DIP2B: variants seen among roughly 807,000 people sequenced by gnomAD.
DIP2B encodes disco-interacting protein 2 homolog B.
DIP2B carries 76 observed loss-of-function variants against 198.0 expected under a neutral mutation model. The observed-to-expected ratio is 0.38, with a 90% CI of 0.32 to 0.46. The LOEUF is 0.46. Ranked by LOEUF, DIP2B falls within the 20% of genes least tolerant of loss-of-function variation. The pLI is 0.99. For missense variants in DIP2B, 1,559 were observed against 1,978.4 expected (o/e 0.79, Z 4.02); for synonymous variants, 701 against 739.1 (o/e 0.95, Z 0.84).
chr12:50,692,033 C>G (rs1480441759), intron 13 of DIP2B, among the ~76,000 whole-genome samples: 6 of 151,986 alleles, frequency 3.9e-5, no homozygotes, highest in Admixed American at 2.6e-4. Context: ...CCACTGCACT[C>G]TAGCCTGGGT....
intron 1 of DIP2B, among the ~76,000 whole-genome samples, chr12:50,625,440 T>C (rs1396276696): frequency 3.9e-5 from 6 of 152,206 alleles, no homozygotes; most frequent in Non-Finnish European, 4.4e-5. Context: ...AGACAAAGCA[T>C]TGAACCAAGG....
rs768977281 is a variant in DIP2B, at chr12:50,698,474, C to T, written c.2188+7C>T. On this transcript the variant is annotated splice_region_variant and intron_variant, in intron 18 of 37. Transcript: ENST00000301180. ...GGGCATGTAATGCCTGGTGGTGAGT[C>T]GCAAGGAGCATCATTTGGTTTTTCA... 6.2e-6 allele frequency: 10 copies of T among 1,605,322 alleles called. No homozygotes were observed. In the South Asian group the frequency reaches 6.8e-5, roughly 11 times the overall value.
Position 50,671,391 on chromosome 12 carries a change from T to A in DIP2B, c.633T>A (p.Thr211=), listed in dbSNP as rs377170577. ...CTCTAGCTGATGTATTTGCCAATAC[T>A]CGAATAGGTAGGAGCTGGATCTACC... The part of the protein sequence containing the change: ...SGSLADVFAN[T]RIENFSAPPD... Residue 211 remains threonine (T), a synonymous_variant, in exon 5 of 38, where the codon ACT becomes ACA. Coordinates refer to ENST00000301180, the MANE Select transcript of DIP2B (RefSeq NM_173602.3). 5.1e-5 allele frequency: 83 copies of A among 1,613,990 alleles called. No homozygotes were observed. The highest frequency in any genetic ancestry group is 6.7e-5 in the Non-Finnish European group (79 of 1,180,018).
intron 1 of DIP2B, among the ~76,000 whole-genome samples, chr12:50,511,887 G>T (rs1280699166): frequency 3.6e-5 from 5 of 139,916 alleles, no homozygotes; most frequent in African/African-American, 1.3e-4. Flanking sequence ...GGCAGATGTT[G>T]CAGTGAGCCG....
chr12:50,737,025 T>C lies in DIP2B; in HGVS notation c.4102-11T>C, dbSNP rs375689686. On this transcript the variant is annotated splice_polypyrimidine_tract_variant and intron_variant, in intron 34 of 37. Coordinates refer to ENST00000301180, the MANE Select transcript of DIP2B (RefSeq NM_173602.3). ...TGAACTCAATCTTTGTATTTTCCCT[T>C]TGATTCTTAGATTTTACCTGGAGTG... 4.3e-6 allele frequency: 7 copies of C among 1,613,098 alleles called. No individual in the cohort carries two copies. The African/African-American group carries it at 9.3e-5, about 22-fold the overall frequency.
At chr12:50,669,904 G>A (rs147571789) in intron 4 of DIP2B, among the ~76,000 whole-genome samples, 1 of 152,190 alleles carries the variant, frequency 6.6e-6, no homozygotes, top group Non-Finnish European at 1.5e-5. Context: ...TGAGTTAGAC[G>A]GAAAGGGTTC....
intron 2 of DIP2B, among the ~76,000 whole-genome samples, chr12:50,632,456 G>T (rs1434373415): frequency 6.0e-5 from 8 of 133,408 alleles, no homozygotes; most frequent in African/African-American, 8.6e-5. Flanking sequence ...TCCAGCCTGG[G>T]TGACACAGCA....
At chr12:50,648,932 G>A (rs1208497505) in intron 3 of DIP2B, among the ~76,000 whole-genome samples, 2 of 152,082 alleles carry the variant, frequency 1.3e-5, no homozygotes, top group Non-Finnish European at 2.9e-5. Flanking sequence ...TATAAAGCGA[G>A]TACAGAAATC....
At chr12:50,506,396 AT>A (rs1957968888) in intron 1 of DIP2B, among the ~76,000 whole-genome samples, 1 of 152,194 alleles carries the variant, frequency 6.6e-6, no homozygotes, top group South Asian at 2.1e-4. Context: ...TTATTAAGGC[AT>A]TATGGTTCCC....
intron 1 of DIP2B, among the ~76,000 whole-genome samples, chr12:50,580,077 T>G (rs1397875874): frequency 2.7e-5 from 4 of 148,604 alleles, no homozygotes; most frequent in Non-Finnish European, 4.4e-5. Context: ...TTTGTTGGCT[T>G]GCTTGTGTGT....
At chr12:50,564,722 TATTTGCCTTTTCTTCATCTGTC>T (rs1310480017) in intron 1 of DIP2B, among the ~76,000 whole-genome samples, 1 of 152,204 alleles carries the variant, frequency 6.6e-6, no homozygotes, top group Non-Finnish European at 1.5e-5. Context: ...ATTAGCCTGG[TATTTGCCTTTTCTTCATCTGTC>T]ATAGTATGTT....
At chr12:50,594,877 C>T (rs867219614) in intron 1 of DIP2B, among the ~76,000 whole-genome samples, 15 of 152,064 alleles carry the variant, frequency 9.9e-5, no homozygotes, top group South Asian at 2.1e-4. Flanking sequence ...TTTTAGGTAG[C>T]GTTATCTGGC....
At chr12:50,634,562 C>T (rs1481091801) in intron 2 of DIP2B, among the ~76,000 whole-genome samples, 1 of 152,186 alleles carries the variant, frequency 6.6e-6, no homozygotes, top group East Asian at 1.9e-4. Flanking sequence ...ACCTACCTGG[C>T]TTGCTCCGTC....
intron 5 of DIP2B, among the ~76,000 whole-genome samples, chr12:50,674,136 CTG>C (rs1938903320): frequency 6.6e-6 from 1 of 152,142 alleles, no homozygotes; most frequent in African/African-American, 2.4e-5. Context: ...TTTGAGGTCA[CTG>C]CAAGTTTTAT....
intron 28 of DIP2B, 68 bp downstream of exon 28, chr12:50,724,954 C>A: frequency 6.7e-7 from 1 of 1,483,702 alleles, no homozygotes; most frequent in South Asian, 1.1e-5. Flanking sequence ...CTCCTCCATT[C>A]TCATGCCAGA....
At chr12:50,564,509 A>G (rs756065644) in intron 1 of DIP2B, among the ~76,000 whole-genome samples, 4 of 152,162 alleles carry the variant, frequency 2.6e-5, no homozygotes, top group Non-Finnish European at 4.4e-5. Flanking sequence ...ATTGTTGTCT[A>G]TCTGATGGGG....
intron 3 of DIP2B, among the ~76,000 whole-genome samples, chr12:50,650,131 A>T (rs1938428301): frequency 6.6e-6 from 1 of 151,730 alleles, no homozygotes; most frequent in Non-Finnish European, 1.5e-5. Flanking sequence ...AATCGCTTGA[A>T]CCCGGGAGGC....
At chr12:50,737,242 G>A (rs181350768) in intron 35 of DIP2B, 132 bp downstream of exon 35, 258 of 782,064 alleles carry the variant, frequency 3.3e-4, no homozygotes, top group Non-Finnish European at 4.9e-4. Flanking sequence ...TTTCTGTAAG[G>A]CATGAGACTG....
intron 1 of DIP2B, among the ~76,000 whole-genome samples, chr12:50,578,405 C>T (rs1472246686): frequency 1.3e-5 from 2 of 151,742 alleles, no homozygotes; most frequent in African/African-American, 4.8e-5. Flanking sequence ...AATAGTTATA[C>T]GTACCTTCTA....
Sources: gnomAD v4.1 joint callset for allele counts (sites outside exome capture counted in the v4.1 genomes callset) on GRCh38, gnomAD v4.1.1 for gene constraint, MANE v1.5 for transcripts, NCBI Gene and HGNC (gene_info 2026-07-23, HGNC 2026-07-21) for gene names.